MAPKBP1: variants seen among roughly 807,000 people sequenced by gnomAD.
The protein encoded by MAPKBP1 is mitogen-activated protein kinase-binding protein 1.
In MAPKBP1, 71 loss-of-function variants were observed where a neutral mutation model predicts 170.5. The ratio of observed to expected loss-of-function variants is 0.42; its 90% CI spans 0.34 to 0.51. The LOEUF is 0.51. MAPKBP1 is among the 20% of genes least tolerant of loss of function. The probability of loss-of-function intolerance (pLI) is 0.06; values close to 1 mark genes in which losing one functional copy is unlikely to be tolerated. For missense variants in MAPKBP1, 1,598 were observed against 1,933.0 expected, an observed-to-expected ratio of 0.83 and a Z score of 3.25; for synonymous variants, 719 against 757.9, an observed-to-expected ratio of 0.95 and a Z score of 0.84.
intron 3 of MAPKBP1, among the ~76,000 whole-genome samples, chr15:41,808,480 T>C (rs2064744418): frequency 1.4e-5 from 2 of 143,362 alleles, no homozygotes; most frequent in African/African-American, 2.5e-5. Flanking sequence ...TTTGTCGTAC[T>C]TTTTTTTTTT....
chr15:41,815,762 C>T lies in MAPKBP1; in HGVS notation c.1456C>T (p.Gln486Ter), dbSNP rs1223294611. The change falls in exon 12 of 31, where the codon CAG (glutamine) becomes TAG (stop). Residue 486 changes from glutamine to a stop codon, truncating the protein, a stop_gained. Transcript: ENST00000457542. LOFTEE classifies it high-confidence loss of function. Reference protein sequence around the residue: ...IRSVCVSPNGQHLASGDRMGT... With the variant: ...IRSVCVSPNG The stretch of plus-strand genomic sequence containing the variant: ...CTCGGTGTGTGTCAGCCCCAATGGA[C>T]AGCATCTAGCATCAGGGGACCGTAT... 6.2e-7 allele frequency: 1 copy of T among 1,614,076 alleles called. No individual in the cohort carries two copies. Among genetic ancestry groups the T allele is most frequent in the Admixed American group, 1.7e-5 (1 of 60,010 alleles).
Position 41,787,661 on chromosome 15 carries a change from C to T in MAPKBP1, c.115-12162C>T, listed in dbSNP as rs183914840. Among the ~76,000 whole-genome samples the T allele has an allele frequency of 1.6e-3, 236 of 152,244 alleles. 1 individual carries two copies. Among genetic ancestry groups the T allele is most frequent in the Middle Eastern group, 6.8e-3 (2 of 294 alleles). ...GATTACAGGCATGAACCACCACGCC[C>T]GGCCGCGAACACATTCTTTAATTAT... On this transcript the variant is annotated intron_variant, in intron 2 of 30. Transcript: ENST00000457542.
At chr15:41,819,555 G>GGA (rs1555454091) in intron 21 of MAPKBP1, 40 bp from the exon 22 acceptor site, 2 of 1,481,972 alleles carry the variant, frequency 1.3e-6, no homozygotes, top group Admixed American at 1.7e-5. Context: ...GGCGGGGGGG[G>GGA]GGCAGGAGAC....
chr15:41,815,672 GAC>G lies in MAPKBP1; in HGVS notation c.1370_1371del (p.Thr457ArgfsTer9). ...YVDGNTQALL[D>X]TELPGGDKAD... is the part of the protein sequence containing the mutation. ...GGATGGGAACACCCAGGCCCTGCTG[GAC>G]ACAGAGCTGCCTGGAGGAGACAAAG... On this transcript the variant is annotated frameshift_variant, in exon 12 of 31. Coordinates refer to ENST00000457542, the MANE Select transcript of MAPKBP1 (RefSeq NM_014994.3). LOFTEE classifies it high-confidence loss of function. The G allele has an allele frequency of 1.2e-6, 2 of 1,614,092 alleles. No homozygotes were observed. Among genetic ancestry groups the G allele is most frequent in the African/African-American group, 1.3e-5 (1 of 75,054 alleles).
In MAPKBP1 at chr15:41,823,616, C is replaced by T. The variant is rs149130065; in HGVS notation, c.3768C>T (p.Ile1256=). Reference sequence around the variant, plus strand: ...CCATGGCCAAGATATCCCGCAGTATCTCTGTTGGGGAGAACCTGGGCCTGG... The same window carrying T: ...CCATGGCCAAGATATCCCGCAGTATTTCTGTTGGGGAGAACCTGGGCCTGG... ...TSSMAKISRS[I]SVGENLGLVA... The change falls in exon 29 of 31, where the codon ATC becomes ATT. Residue 1256 remains isoleucine (I), a synonymous_variant. Coordinates refer to ENST00000457542, the MANE Select transcript of MAPKBP1 (RefSeq NM_014994.3). The T allele has an allele frequency of 2.0e-5, 33 of 1,614,070 alleles. No homozygotes were observed. The highest frequency in any genetic ancestry group is 2.5e-5 in the Non-Finnish European group (30 of 1,180,034).
intron 2 of MAPKBP1, among the ~76,000 whole-genome samples, chr15:41,785,713 A>G (rs967719464): frequency 1.3e-5 from 2 of 151,868 alleles, no homozygotes; most frequent in East Asian, 3.9e-4. Flanking sequence ...CTATTAAAAA[A>G]TTTTTTTTTG....
intron 22 of MAPKBP1, among the ~76,000 whole-genome samples, chr15:41,820,212 G>A (rs781086333): frequency 6.6e-6 from 1 of 152,140 alleles, no homozygotes; most frequent in Non-Finnish European, 1.5e-5. Flanking sequence ...AGTACCTTCC[G>A]TTGTCAGCAA....
At position 41,826,611 on chromosome 15, in the gene MAPKBP1, G is replaced by T. The variant is rs1274952074; in HGVS notation, c.*1175G>T. The T allele has an allele frequency of 6.6e-6, 1 of 151,856 alleles. No individual in the cohort carries two copies. 9.4% of individuals were successfully genotyped at this position (151,856 alleles called of 1,614,324 possible). A position where few individuals can be genotyped will look rare whatever the true frequency, so the allele number is the denominator to read the frequency against. On this transcript the variant is annotated 3_prime_UTR_variant, in exon 31 of 31. Coordinates refer to ENST00000457542, the MANE Select transcript of MAPKBP1 (RefSeq NM_014994.3). ...TCCACAGCCTAGCTGATACGAGATA[G>T]CCCATAGGACACCTGGTTTAGGTAG...
At position 41,816,549 on chromosome 15, in the gene MAPKBP1, A is replaced by G. The variant is rs2064895131; in HGVS notation, c.1494-10A>G. ...CCATGGCCTCTTCCCACCTCTCCTC[A>G]TCTTTGCAGGGTGCACGAACTTCAG... On this transcript the variant is annotated splice_polypyrimidine_tract_variant and intron_variant, in intron 12 of 30. Transcript: ENST00000457542. The G allele has an allele frequency of 6.2e-7, 1 of 1,610,448 alleles. No homozygotes were observed. The highest frequency in any genetic ancestry group is 1.3e-5 in the African/African-American group (1 of 74,836).
chr15:41,821,686 C>G lies in MAPKBP1; in HGVS notation c.2821C>G (p.Pro941Ala), dbSNP rs142058349. 5.0e-6 allele frequency: 8 copies of G among 1,614,068 alleles called. No individual in the cohort carries two copies. Among genetic ancestry groups the G allele is most frequent in the Non-Finnish European group, 6.8e-6 (8 of 1,180,038 alleles). ...EEGVFAQDLE[P>A]APIEDGIVYP... is the part of the protein sequence containing the mutation. ...AGGGGTCTTTGCCCAAGATCTGGAA[C>G]CTGCACCCATTGAAGATGGTATTGT... The change falls in exon 24 of 31, where the codon CCT (proline) becomes GCT (alanine). Residue 941 changes from proline (P) to alanine (A), a missense_variant. By Grantham distance (27) the Pro-to-Ala change is conservative. Coordinates refer to ENST00000457542, the MANE Select transcript of MAPKBP1 (RefSeq NM_014994.3).
intron 2 of MAPKBP1, among the ~76,000 whole-genome samples, chr15:41,787,412 G>C (rs1230107935): frequency 6.6e-6 from 1 of 151,564 alleles, no homozygotes; most frequent in Non-Finnish European, 1.5e-5. Flanking sequence ...CTGTCGCCCA[G>C]GCTAGAGTGC....
intron 9 of MAPKBP1, among the ~76,000 whole-genome samples, chr15:41,814,010 T>C (rs949508728): frequency 1.3e-5 from 2 of 152,118 alleles, no homozygotes; most frequent in African/African-American, 4.8e-5. Context: ...GAGGGACATA[T>C]GGGATTTGGG....
intron 2 of MAPKBP1, among the ~76,000 whole-genome samples, chr15:41,786,054 G>A (rs910961829): frequency 3.3e-5 from 5 of 152,074 alleles, no homozygotes; most frequent in African/African-American, 1.2e-4. Context: ...GAAAGAATGA[G>A]GTTAATCTAT....
At position 41,821,727 on chromosome 15, in the gene MAPKBP1, T is replaced by A; in HGVS notation, c.2862T>A (p.Ser954Arg). ...ATGGTATTGTCTACCCGGAGCCGAG[T>A]GACAACCCCACCATGGATACCAGGC... ...IEDGIVYPEP[S>R]DNPTMDTSEF... is the part of the protein sequence containing the mutation. Residue 954 changes from serine (S) to arginine (R), a missense_variant, in exon 24 of 31, where the codon AGT becomes AGA. Around this residue, in one of 6 missense-constraint regions of MAPKBP1, gnomAD observed 942 missense variants for 953.2 expected, o/e 0.99. Coordinates refer to ENST00000457542, the MANE Select transcript of MAPKBP1 (RefSeq NM_014994.3). 1.2e-6 allele frequency: 2 copies of A among 1,613,890 alleles called. No homozygotes were observed. Among genetic ancestry groups the A allele is most frequent in the Non-Finnish European group, 1.7e-6 (2 of 1,179,980 alleles).
rs375660588 is a variant in MAPKBP1, at chr15:41,804,319, G to C, written c.206+4405G>C. The stretch of plus-strand genomic sequence containing the variant: ...GTTTAATGGCTGCAGTAAGGGTGCT[G>C]TGGGAGCCACACGGGCTCTGCCTGG... On this transcript the variant is annotated intron_variant, in intron 3 of 30. Transcript: ENST00000457542. 8.5e-5 allele frequency among the ~76,000 whole-genome samples: 13 copies of C among 152,386 alleles called. No homozygotes were observed. The East Asian group carries it at 1.9e-3, about 23-fold the overall frequency.
chr15:41,821,461 T>G, intron 23 of MAPKBP1, 123 bp from the exon 24 acceptor site: 1 of 879,980 alleles, frequency 1.1e-6, no homozygotes, highest in Non-Finnish European at 1.8e-6. Flanking sequence ...ACCGCATCCT[T>G]ACTCACCTCC....
rs151216167 is a variant in MAPKBP1 at position 41,824,241 on chromosome 15, A to G, written c.4213+180A>G. ...TGGTGAGACCCTCCTGCTAACCTTCATGATTTCCTTGTGACTCACTTGCCC... is the reference window on the plus strand; with the variant it reads ...TGGTGAGACCCTCCTGCTAACCTTCGTGATTTCCTTGTGACTCACTTGCCC... On this transcript the variant is annotated intron_variant, in intron 29 of 30. Coordinates refer to ENST00000457542, the MANE Select transcript of MAPKBP1 (RefSeq NM_014994.3). Among the ~76,000 whole-genome samples, 13 of 152,194 alleles carry G rather than the reference A, an allele frequency of 8.5e-5. No homozygotes were observed. In the East Asian group the frequency reaches 1.9e-3, roughly 23 times the overall value.
At chr15:41,788,384 G>A (rs1214457665) in intron 2 of MAPKBP1, among the ~76,000 whole-genome samples, 1 of 152,218 alleles carries the variant, frequency 6.6e-6, no homozygotes, top group Non-Finnish European at 1.5e-5. Flanking sequence ...CTCCAGGAGT[G>A]TGTAGACTGG....
At chr15:41,803,757 T>G (rs2152075387) in intron 3 of MAPKBP1, among the ~76,000 whole-genome samples, 1 of 152,210 alleles carries the variant, frequency 6.6e-6, no homozygotes, top group South Asian at 2.1e-4. Context: ...TGAGGTAACA[T>G]AGCTAGTGTG....
Sources: allele counts gnomAD v4.1 joint callset (sites outside exome capture counted in the v4.1 genomes callset), GRCh38; gene constraint gnomAD v4.1.1; regional missense constraint gnomAD v4.1.1; transcripts MANE v1.5; gene names NCBI Gene and HGNC (gene_info 2026-07-23, HGNC 2026-07-21).